The following KCNIP4 variants were observed in gnomAD, a reference collection of about 807,000 sequenced individuals.
The protein encoded by KCNIP4 is Kv channel-interacting protein 4.
In KCNIP4, 12 loss-of-function variants were observed where a neutral mutation model predicts 34.0. The ratio of observed to expected loss-of-function variants is 0.35; its 90% CI spans 0.23 to 0.57. The LOEUF (loss-of-function observed/expected upper bound fraction) is 0.57, where lower values mean the gene tolerates loss of function less well. Ranked by LOEUF, KCNIP4 falls within the 20% of genes least tolerant of loss-of-function variation. The pLI, the probability that KCNIP4 is intolerant of heterozygous loss-of-function variation, is 0.83. For missense variants in KCNIP4, 238 were observed against 311.7 expected (o/e 0.76, Z 1.78); for synonymous variants, 124 against 102.2 (o/e 1.21, Z -1.29).
chr4:21,807,298 C>T (rs1721355860), intron 1 of KCNIP4, among the ~76,000 whole-genome samples: 1 of 152,190 alleles, frequency 6.6e-6, no homozygotes. Flanking sequence ...CAGACTGCGA[C>T]TCGTCCATGG....
At position 21,433,307 on chromosome 4, in the gene KCNIP4, C is replaced by A. The variant is rs185292671; in HGVS notation, c.61+515264G>T. Among the ~76,000 whole-genome samples the A allele has an allele frequency of 3.3e-3, 502 of 152,162 alleles. 2 individuals carry two copies. Among genetic ancestry groups the A allele is most frequent in the Non-Finnish European group, 6.0e-3 (407 of 68,002 alleles). On this transcript the variant is annotated intron_variant, in intron 1 of 8. Coordinates refer to ENST00000382152, the MANE Select transcript of KCNIP4 (RefSeq NM_025221.6). ...TGTCTATTCAGTCTGAGCCCAAGGACAAAAATATATGGGGCTGGGTGCAGT... is the reference window on the plus strand; with the variant it reads ...TGTCTATTCAGTCTGAGCCCAAGGAAAAAAATATATGGGGCTGGGTGCAGT...
At position 20,736,720 on chromosome 4, in the gene KCNIP4, G is replaced by A. The variant is rs183729763; in HGVS notation, c.430-1985C>T. Among the ~76,000 whole-genome samples, 1,060 of 152,200 alleles carry A rather than the reference G, an allele frequency of 7.0e-3. 12 individuals are homozygous for A. Among genetic ancestry groups the A allele is most frequent in the African/African-American group, 0.024 (987 of 41,518 alleles). On this transcript the variant is annotated intron_variant, in intron 5 of 8. Coordinates refer to ENST00000382152, the MANE Select transcript of KCNIP4 (RefSeq NM_025221.6). Reference sequence around the variant, plus strand: ...TGATACTTACTTTTATCATGGTAAAGAATTATACAACCCTTCCACTTAAGC... The same window carrying A: ...TGATACTTACTTTTATCATGGTAAAAAATTATACAACCCTTCCACTTAAGC...
intron 1 of KCNIP4, among the ~76,000 whole-genome samples, chr4:21,919,841 ACT>A (rs1728840540): frequency 6.6e-6 from 1 of 152,120 alleles, no homozygotes; most frequent in Admixed American, 6.5e-5. Flanking sequence ...AGGATAAAAA[ACT>A]CACATGCTGC....
At chr4:21,307,468 G>A (rs146727218) in intron 1 of KCNIP4, among the ~76,000 whole-genome samples, 2 of 152,172 alleles carry the variant, frequency 1.3e-5, no homozygotes, top group Non-Finnish European at 2.9e-5. Context: ...CCAAAGCATT[G>A]TCACCACCTG....
intron 1 of KCNIP4, among the ~76,000 whole-genome samples, chr4:21,871,896 G>T (rs894383102): frequency 6.6e-6 from 1 of 151,266 alleles, no homozygotes; most frequent in African/African-American, 2.4e-5. Flanking sequence ...TATATTCAGG[G>T]TTGAGCCCAG....
chr4:20,841,423 T>A (rs192995456), intron 3 of KCNIP4, among the ~76,000 whole-genome samples: 1 of 152,116 alleles, frequency 6.6e-6, no homozygotes, highest in Non-Finnish European at 1.5e-5. Context: ...TGGGAGCACA[T>A]AGCAGAGTCT....
chr4:21,666,767 C>T (rs555447368), intron 1 of KCNIP4, among the ~76,000 whole-genome samples: 1 of 152,144 alleles, frequency 6.6e-6, no homozygotes, highest in African/African-American at 2.4e-5. Flanking sequence ...AAGAATAGAA[C>T]CTTCTCTACA....
chr4:20,795,196 T>G (rs1469659131), intron 3 of KCNIP4, among the ~76,000 whole-genome samples: 1 of 152,114 alleles, frequency 6.6e-6, no homozygotes, highest in Non-Finnish European at 1.5e-5. Flanking sequence ...AGCCATTAAA[T>G]CATAAAGAAG....
intron 3 of KCNIP4, among the ~76,000 whole-genome samples, chr4:20,761,762 GTGTTTTA>G (rs1459923653): frequency 6.6e-6 from 1 of 152,206 alleles, no homozygotes; most frequent in Non-Finnish European, 1.5e-5. Context: ...TGATATGCAT[GTGTTTTA>G]TGTTTAATCA....
intron 1 of KCNIP4, among the ~76,000 whole-genome samples, chr4:21,058,868 T>A (rs530751034): frequency 6.6e-6 from 1 of 152,202 alleles, no homozygotes; most frequent in Non-Finnish European, 1.5e-5. Flanking sequence ...AAAAATGATA[T>A]TGTTTGACAG....
chr4:21,210,068 T>C (rs926591498), intron 1 of KCNIP4, among the ~76,000 whole-genome samples: 1 of 152,162 alleles, frequency 6.6e-6, no homozygotes, highest in Non-Finnish European at 1.5e-5. Context: ...TGATTTAACA[T>C]GGGATGATGC....
intron 1 of KCNIP4, among the ~76,000 whole-genome samples, chr4:21,385,770 C>A (rs780310758): frequency 2.0e-5 from 3 of 152,018 alleles, no homozygotes; most frequent in Non-Finnish European, 4.4e-5. Context: ...GCTGATGGAG[C>A]CAACCAGAAA....
chr4:21,629,753 G>A (rs577736821), intron 1 of KCNIP4, among the ~76,000 whole-genome samples: 1 of 151,590 alleles, frequency 6.6e-6, no homozygotes, highest in East Asian at 2.0e-4. Context: ...TACCTGTTTA[G>A]TTCGGCACAG....
intron 1 of KCNIP4, among the ~76,000 whole-genome samples, chr4:21,461,527 A>T (rs1729464957): frequency 6.6e-6 from 1 of 151,928 alleles, no homozygotes; most frequent in South Asian, 2.1e-4. Context: ...AAAATCTTTC[A>T]CTTACTGCAG....
chr4:21,829,773 C>A (rs1722872194), intron 1 of KCNIP4, among the ~76,000 whole-genome samples: 1 of 151,856 alleles, frequency 6.6e-6, no homozygotes, highest in East Asian at 1.9e-4. Flanking sequence ...AACAAAAGTT[C>A]TATAAAACAA....
At chr4:21,303,955 G>C (rs772004515) in intron 1 of KCNIP4, 76 of 1,599,180 alleles carry the variant, frequency 4.8e-5, no homozygotes, top group Non-Finnish European at 6.0e-5. Flanking sequence ...GTGCTCCTCT[G>C]CCTGGCTTTC....
intron 1 of KCNIP4, among the ~76,000 whole-genome samples, chr4:21,291,089 AT>A (rs147894990): frequency 0.051 from 7,779 of 152,252 alleles, 215 homozygotes; most frequent in African/African-American, 0.074. Context: ...AGCATGTTCC[AT>A]TTCAACCCAC....
intron 1 of KCNIP4, among the ~76,000 whole-genome samples, chr4:21,133,903 C>A (rs972167057): frequency 6.6e-6 from 1 of 152,134 alleles, no homozygotes; most frequent in African/African-American, 2.4e-5. Flanking sequence ...CATTAGTTTC[C>A]TTTTCTAACT....
At chr4:21,871,534 T>G (rs1725811474) in intron 1 of KCNIP4, among the ~76,000 whole-genome samples, 1 of 151,556 alleles carries the variant, frequency 6.6e-6, no homozygotes, top group African/African-American at 2.4e-5. Context: ...GAGCAAACTA[T>G]CGCAAGGACA....
Sources: gnomAD v4.1 joint callset for allele counts (sites outside exome capture counted in the v4.1 genomes callset) on GRCh38, gnomAD v4.1.1 for gene constraint, MANE v1.5 for transcripts, NCBI Gene and HGNC (gene_info 2026-07-23, HGNC 2026-07-21) for gene names.